Variants in GRID2 observed in about 807,000 individuals in gnomAD.
GRID2 encodes glutamate receptor ionotropic, delta-2.
Under a neutral mutation model 114.8 loss-of-function variants are expected in GRID2, and 33 were observed. The observed-to-expected ratio is 0.29, with a 90% confidence interval of 0.22 to 0.38. The LOEUF is 0.38. Ranked by LOEUF, GRID2 falls within the 10% of genes least tolerant of loss-of-function variation. The pLI is 1.00. For synonymous variants in GRID2, 505 were observed against 449.9 expected (o/e 1.12, Z -1.55); for missense variants, 1,184 against 1,257.7 (o/e 0.94, Z 0.89).
At chr4:92,545,334 GA>G (rs1428224610) in intron 1 of GRID2, among the ~76,000 whole-genome samples, 1 of 152,162 alleles carries the variant, frequency 6.6e-6, no homozygotes, top group Non-Finnish European at 1.5e-5. Context: ...AGCTGCCTAT[GA>G]ATATCATAGC....
chr4:93,291,112 C>T (rs1015664623), intron 8 of GRID2, among the ~76,000 whole-genome samples: 1 of 151,426 alleles, frequency 6.6e-6, no homozygotes, highest in Non-Finnish European at 1.5e-5. Flanking sequence ...ATCCTGGCCT[C>T]TTGATCCGCC....
chr4:93,743,429 T>C (rs1468603460), intron 14 of GRID2, among the ~76,000 whole-genome samples: 4 of 152,234 alleles, frequency 2.6e-5, no homozygotes. Flanking sequence ...AACAGCTGTC[T>C]TAGTCTGTTT....
At chr4:92,726,429 T>G (rs1323637829) in intron 2 of GRID2, among the ~76,000 whole-genome samples, 1 of 152,124 alleles carries the variant, frequency 6.6e-6, no homozygotes, top group Non-Finnish European at 1.5e-5. Flanking sequence ...TAGTCTTTTG[T>G]TAACTGAAAC....
At chr4:93,462,289 T>A (rs1723821374) in intron 11 of GRID2, among the ~76,000 whole-genome samples, 1 of 152,118 alleles carries the variant, frequency 6.6e-6, no homozygotes, top group Non-Finnish European at 1.5e-5. Flanking sequence ...CGCCGATGGA[T>A]CTTAACCAAA....
At chr4:93,388,112 A>G (rs1041191387) in intron 8 of GRID2, among the ~76,000 whole-genome samples, 7 of 152,164 alleles carry the variant, frequency 4.6e-5, no homozygotes, top group Non-Finnish European at 7.3e-5. Flanking sequence ...ACATGATTCT[A>G]TATTACAGTG....
intron 4 of GRID2, among the ~76,000 whole-genome samples, chr4:93,184,300 G>A (rs973512164): frequency 6.6e-6 from 1 of 152,020 alleles, no homozygotes; most frequent in African/African-American, 2.4e-5. Context: ...TTTTAACAAC[G>A]AAAGGGGAGT....
At chr4:92,972,180 C>CT (rs1753562458) in intron 2 of GRID2, among the ~76,000 whole-genome samples, 1 of 150,308 alleles carries the variant, frequency 6.7e-6, no homozygotes, top group Non-Finnish European at 1.5e-5. Flanking sequence ...TAAGATTTCT[C>CT]TTTTCGCTTC....
intron 2 of GRID2, among the ~76,000 whole-genome samples, chr4:93,028,283 G>A (rs939109475): frequency 8.5e-5 from 13 of 152,054 alleles, no homozygotes; most frequent in African/African-American, 3.1e-4. Flanking sequence ...TGATAAAGAA[G>A]GTATCTAGAA....
intron 2 of GRID2, among the ~76,000 whole-genome samples, chr4:92,829,175 T>C (rs1023566282): frequency 2.0e-5 from 3 of 152,210 alleles, no homozygotes; most frequent in Non-Finnish European, 4.4e-5. Context: ...TTAATCGATC[T>C]TGAGTTAATT....
intron 14 of GRID2, among the ~76,000 whole-genome samples, chr4:93,651,302 GGCA>G (rs1198509869): frequency 6.6e-6 from 1 of 152,138 alleles, no homozygotes; most frequent in Non-Finnish European, 1.5e-5. Context: ...CAGTTTTGCA[GGCA>G]GCACAAGAGA....
intron 13 of GRID2, among the ~76,000 whole-genome samples, chr4:93,577,763 G>A (rs2149588998): frequency 6.6e-6 from 1 of 152,272 alleles, no homozygotes; most frequent in Non-Finnish European, 1.5e-5. Flanking sequence ...GGCCTGAAGT[G>A]TTCTGTGCTT....
chr4:93,264,839 G>T (rs1224554260), intron 8 of GRID2, among the ~76,000 whole-genome samples: 1 of 150,324 alleles, frequency 6.7e-6, no homozygotes, highest in East Asian at 2.0e-4. Context: ...CTGGAGTGCA[G>T]TGGCACAATC....
In GRID2 at chr4:92,350,789, C is replaced by T. The variant is rs1579222007; in HGVS notation, c.88+46045C>T. Among the ~76,000 whole-genome samples the T allele has an allele frequency of 1.3e-5, 2 of 151,890 alleles. 1 individual carries two copies. The highest frequency in any genetic ancestry group is 4.1e-4 in the South Asian group (2 of 4,824). ...CTTACAATTTTAGACTATGTATTCACTCCAAAAGGAAGTCTATACTTAATA... is the reference window on the plus strand; with the variant it reads ...CTTACAATTTTAGACTATGTATTCATTCCAAAAGGAAGTCTATACTTAATA... On this transcript the variant is annotated intron_variant, in intron 1 of 15. Coordinates refer to ENST00000282020, the MANE Select transcript of GRID2 (RefSeq NM_001510.4).
At chr4:92,913,914 C>G (rs904673827) in intron 2 of GRID2, among the ~76,000 whole-genome samples, 1 of 151,982 alleles carries the variant, frequency 6.6e-6, no homozygotes, top group East Asian at 1.9e-4. Context: ...ATAGTACGTT[C>G]TACTTGTAAG....
In GRID2 at chr4:93,346,689, G is replaced by T. The variant is rs183739413; in HGVS notation, c.1246-48918G>T. Among the ~76,000 whole-genome samples, 276 of 152,144 alleles carry T rather than the reference G, an allele frequency of 1.8e-3. 3 individuals are homozygous for T. Among genetic ancestry groups the T allele is most frequent in the African/African-American group, 6.2e-3 (256 of 41,518 alleles). On this transcript the variant is annotated intron_variant, in intron 8 of 15. Coordinates refer to ENST00000282020, the MANE Select transcript of GRID2 (RefSeq NM_001510.4). Reference sequence around the variant, plus strand: ...ATCTTTCCTGGCTCATTTGAAAGTTGCCACATTCAATGTTGCATTTTTATC... The same window carrying T: ...ATCTTTCCTGGCTCATTTGAAAGTTTCCACATTCAATGTTGCATTTTTATC...
intron 11 of GRID2, among the ~76,000 whole-genome samples, chr4:93,470,953 CAAGT>C (rs1404590186): frequency 2.0e-5 from 3 of 151,802 alleles, no homozygotes; most frequent in Non-Finnish European, 2.9e-5. Context: ...TTAAAACAAA[CAAGT>C]AACACAATGT....
intron 1 of GRID2, among the ~76,000 whole-genome samples, chr4:92,409,384 G>C (rs553621697): frequency 1.3e-5 from 2 of 152,222 alleles, no homozygotes; most frequent in East Asian, 3.9e-4. Flanking sequence ...AGGGCCTAGA[G>C]ACCTGAAGAT....
At chr4:92,922,038 G>A (rs1749393066) in intron 2 of GRID2, among the ~76,000 whole-genome samples, 1 of 152,170 alleles carries the variant, frequency 6.6e-6, no homozygotes, top group Non-Finnish European at 1.5e-5. Flanking sequence ...ACTCAAGCCT[G>A]GGCAATTGTG....
chr4:92,920,284 G>A lies in GRID2; in HGVS notation c.245-164711G>A, dbSNP rs1002790976. On this transcript the variant is annotated intron_variant, in intron 2 of 15. Coordinates refer to ENST00000282020, the MANE Select transcript of GRID2 (RefSeq NM_001510.4). ...TTTCCTGAATACAGCACACTGATGGGTCTTGACTCTTTATCCAATTTGCCA... is the reference window on the plus strand; with the variant it reads ...TTTCCTGAATACAGCACACTGATGGATCTTGACTCTTTATCCAATTTGCCA... Among the ~76,000 whole-genome samples the A allele has an allele frequency of 1.7e-4, 26 of 152,078 alleles. 1 individual carries two copies. The highest frequency in any genetic ancestry group is 2.9e-5 in the Non-Finnish European group (2 of 68,026).
Sources: gnomAD v4.1 joint callset for allele counts (sites outside exome capture counted in the v4.1 genomes callset) on GRCh38, gnomAD v4.1.1 for gene constraint, MANE v1.5 for transcripts, NCBI Gene and HGNC (gene_info 2026-07-23, HGNC 2026-07-21) for gene names.